The following PSMA1 variants were observed in gnomAD, a reference collection of about 807,000 sequenced individuals.
PSMA1 encodes the protein proteasome 20S subunit alpha 1.
PSMA1 carries 3 observed loss-of-function variants against 38.4 expected under a neutral mutation model. The observed-to-expected ratio is 0.08, with a 90% CI of 0.04 to 0.20. The LOEUF (loss-of-function observed/expected upper bound fraction) is 0.20. PSMA1 is among the 10% of genes least tolerant of loss of function. The pLI is 1.00. For missense variants in PSMA1, 227 were observed against 325.3 expected, an observed-to-expected ratio of 0.70 and a Z score of 2.32; for synonymous variants, 101 against 107.1, an observed-to-expected ratio of 0.94 and a Z score of 0.35.
At chr11:14,610,929 C>T in intron 2 of PSMA1, 1 of 1,601,446 alleles carries the variant, frequency 6.2e-7, no homozygotes, top group Non-Finnish European at 8.6e-7. Flanking sequence ...GAAATCTATG[C>T]ATTCTGTGTT....
intron 2 of PSMA1, among the ~76,000 whole-genome samples, chr11:14,571,093 C>T (rs751352893): frequency 2.0e-5 from 3 of 152,128 alleles, no homozygotes; most frequent in African/African-American, 4.8e-5. Flanking sequence ...GATGGAGTCT[C>T]GCTCTCTCAC....
chr11:14,615,692 C>T (rs767553907), intron 1 of PSMA1, among the ~76,000 whole-genome samples: 1 of 152,202 alleles, frequency 6.6e-6, no homozygotes, highest in Non-Finnish European at 1.5e-5. Flanking sequence ...CACTCCTTTT[C>T]AGTATGCCAT....
chr11:14,571,630 A>G (rs1218457743), intron 2 of PSMA1, among the ~76,000 whole-genome samples: 1 of 152,234 alleles, frequency 6.6e-6, no homozygotes, highest in Non-Finnish European at 1.5e-5. Flanking sequence ...ACCAGCTAAC[A>G]TCATAATGAC....
chr11:14,549,022 A>AT (rs930954953), intron 2 of PSMA1, among the ~76,000 whole-genome samples: 4 of 151,980 alleles, frequency 2.6e-5, no homozygotes, highest in African/African-American at 7.2e-5. Flanking sequence ...AAAAATACTG[A>AT]TTTTTTTAAA....
At position 14,534,757 on chromosome 11, in the gene PSMA1, A is replaced by T. The variant is rs1851684064; in HGVS notation, c.22-15716T>A. On this transcript the variant is annotated intron_variant, in intron 2 of 10. Coordinates refer to the PSMA1 transcript ENST00000418988. This position sits in a 1 kb window ranked among gnomAD's most constrained non-coding sequence, Gnocchi z 4.5. The stretch of plus-strand genomic sequence containing the variant: ...GTATATACATCGTGTGTACATATGC[A>T]TATTTAAAAAAATTAAAAAAACAAA... Among the ~76,000 whole-genome samples the T allele has an allele frequency of 6.9e-6, 1 of 144,704 alleles. No homozygotes were observed. Among genetic ancestry groups the T allele is most frequent in the Admixed American group, 7.4e-5 (1 of 13,566 alleles). The allele number at this position is 144,704 out of a possible 152,430, so 94.9% of individuals were successfully genotyped here.
At chr11:14,513,394 G>T in intron 7 of PSMA1, 176 bp downstream of exon 7, 1 of 649,840 alleles carries the variant, frequency 1.5e-6, no homozygotes. Flanking sequence ...GTGGTAACCA[G>T]AAGTTAAGAT....
At chr11:14,593,659 A>C (rs1009337728) in intron 2 of PSMA1, among the ~76,000 whole-genome samples, 129 of 131,726 alleles carry the variant, frequency 9.8e-4, no homozygotes, top group African/African-American at 3.8e-3. Context: ...AGAGAGAGAG[A>C]GAGCGCCAGC....
upstream of PSMA1, among the ~76,000 whole-genome samples, chr11:14,521,980 C>G (rs555247356): frequency 6.6e-6 from 1 of 152,162 alleles, no homozygotes; most frequent in African/African-American, 2.4e-5. Context: ...TAGCACAATG[C>G]GTAGCACATA....
rs376452082 is a variant in PSMA1, at chr11:14,517,866, A to G, written c.150+14T>C. On this transcript the variant is annotated intron_variant, in intron 3 of 9. Coordinates refer to ENST00000396394, the MANE Select transcript of PSMA1 (RefSeq NM_002786.4). ...GTTTTCTACAGAGGAAGACATATTTATTACTGTACTTACTTTCAATGCAAC... is the reference window on the plus strand; with the variant it reads ...GTTTTCTACAGAGGAAGACATATTTGTTACTGTACTTACTTTCAATGCAAC... 1.2e-4 allele frequency: 186 copies of G among 1,577,880 alleles called. No homozygotes were observed. The African/African-American group carries it at 2.3e-3, about 20-fold the overall frequency.
chr11:14,506,970 C>G (rs925977325), intron 9 of PSMA1, among the ~76,000 whole-genome samples: 3 of 152,186 alleles, frequency 2.0e-5, no homozygotes, highest in African/African-American at 7.2e-5. Context: ...CTGAAGTTAT[C>G]TTGGGTGTTC....
chr11:14,558,482 C>G (rs1851967813), intron 2 of PSMA1, among the ~76,000 whole-genome samples: 1 of 152,116 alleles, frequency 6.6e-6, no homozygotes, highest in Admixed American at 6.6e-5. Flanking sequence ...CTACATTTCC[C>G]TGTTTGAAAA....
At chr11:14,578,077 G>T (rs1852240390) in intron 2 of PSMA1, among the ~76,000 whole-genome samples, 1 of 151,970 alleles carries the variant, frequency 6.6e-6, no homozygotes, top group Non-Finnish European at 1.5e-5. Flanking sequence ...CCTGTTGGGG[G>T]GTTGGGGGCT....
At chr11:14,522,490 TGA>T (rs1305128843), upstream of PSMA1, among the ~76,000 whole-genome samples, 2 of 152,212 alleles carry the variant, frequency 1.3e-5, no homozygotes, top group African/African-American at 4.8e-5. Context: ...CTACGCTGCC[TGA>T]GAGTCAGTTT....
At position 14,536,612 on chromosome 11, in the gene PSMA1, T is replaced by A. The variant is rs530745724; in HGVS notation, c.22-17571A>T. 2.0e-3 allele frequency among the ~76,000 whole-genome samples: 307 copies of A among 151,146 alleles called. 1 individual carries two copies. The highest frequency in any genetic ancestry group is 6.6e-3 in the African/African-American group (271 of 41,144). Reference sequence around the variant, plus strand: ...ACAAAGGCAGCATTTAAAAAAATTTTTTTTTATTTTTATTTTTGAGACGGA... The same window carrying A: ...ACAAAGGCAGCATTTAAAAAAATTTATTTTTATTTTTATTTTTGAGACGGA... On this transcript the variant is annotated intron_variant, in intron 2 of 10. Coordinates refer to the PSMA1 transcript ENST00000418988.
chr11:14,559,491 A>C (rs2134172423), intron 2 of PSMA1, among the ~76,000 whole-genome samples: 1 of 152,330 alleles, frequency 6.6e-6, no homozygotes, highest in African/African-American at 2.4e-5. Context: ...AGCTAGTGGG[A>C]CTAGTGGCTT....
Position 14,505,127 on chromosome 11 carries a change from G to A in PSMA1, c.*65C>T. ...CTTTTGGTTCAAAGTATAGATTATTGTCATCAGTATGTGGTGCCTGTATTC... is the reference window on the plus strand; with the variant it reads ...CTTTTGGTTCAAAGTATAGATTATTATCATCAGTATGTGGTGCCTGTATTC... On this transcript the variant is annotated 3_prime_UTR_variant, in exon 10 of 10. Coordinates refer to ENST00000396394, the MANE Select transcript of PSMA1 (RefSeq NM_002786.4). 1 of 1,385,928 alleles carries A rather than the reference G, an allele frequency of 7.2e-7. No homozygotes were observed. The highest frequency in any genetic ancestry group is 1.2e-5 in the South Asian group (1 of 86,254). The allele number at this position is 1,385,928 out of a possible 1,614,324, so 85.9% of individuals were successfully genotyped here.
At chr11:14,520,008 A>T (rs555067998) in intron 1 of PSMA1, 41 of 555,034 alleles carry the variant, frequency 7.4e-5, no homozygotes, top group African/African-American at 6.6e-4. Context: ...GACCGCTCAG[A>T]ATCTACTCCA....
intron 4 of PSMA1, among the ~76,000 whole-genome samples, chr11:14,516,007 C>G (rs1266968147): frequency 6.6e-6 from 1 of 151,240 alleles, no homozygotes; most frequent in Admixed American, 6.6e-5. Context: ...GTCAGGAGCT[C>G]TAGACCAGCC....
intron 1 of PSMA1, among the ~76,000 whole-genome samples, chr11:14,642,183 T>C (rs1427081677): frequency 2.0e-5 from 3 of 152,256 alleles, no homozygotes; most frequent in African/African-American, 4.8e-5. Context: ...ATGGAATTTA[T>C]AACGGGAATT....
Sources: allele counts gnomAD v4.1 joint callset (sites outside exome capture counted in the v4.1 genomes callset), GRCh38; gene constraint gnomAD v4.1.1; non-coding constraint Gnocchi (gnomAD v3.1); transcripts MANE v1.5; gene names NCBI Gene and HGNC (gene_info 2026-07-23, HGNC 2026-07-21).